The following CELF2 variants were observed in gnomAD, a reference collection of about 807,000 sequenced individuals.
CELF2 encodes CUGBP Elav-like family member 2.
CELF2 carries 8 observed loss-of-function variants against 62.6 expected under a neutral mutation model. The ratio of observed to expected loss-of-function variants is 0.13; its 90% confidence interval spans 0.07 to 0.23. The LOEUF (loss-of-function observed/expected upper bound fraction) is 0.23. Ranked by LOEUF, CELF2 falls within the 10% of genes least tolerant of loss-of-function variation. The probability of loss-of-function intolerance (pLI) is 1.00; values close to 1 mark genes in which losing one functional copy is unlikely to be tolerated. For synonymous variants in CELF2, 258 were observed against 250.0 expected (o/e 1.03, Z -0.30); for missense variants, 333 against 671.0 (o/e 0.50, Z 5.56).
intron 9 of CELF2, among the ~76,000 whole-genome samples, chr10:11,303,032 C>G (rs2093913317): frequency 6.6e-6 from 1 of 152,234 alleles, no homozygotes; most frequent in Non-Finnish European, 1.5e-5. Context: ...TCGGAGGCAT[C>G]TGCTTTCTCA....
At chr10:11,278,432 G>A (rs567599788) in intron 8 of CELF2, among the ~76,000 whole-genome samples, 7 of 152,176 alleles carry the variant, frequency 4.6e-5, no homozygotes, top group Non-Finnish European at 5.9e-5. Context: ...CTCTCTCAGC[G>A]GTGATATTTG....
chr10:11,057,479 C>T (rs1415182458), intron 1 of CELF2, among the ~76,000 whole-genome samples: 1 of 152,182 alleles, frequency 6.6e-6, no homozygotes, highest in African/African-American at 2.4e-5. Flanking sequence ...AGTTCATAGC[C>T]TGATATAAAC....
chr10:10,588,577 G>A, the CELF2 span, among the ~76,000 whole-genome samples: 4 of 152,176 alleles, frequency 2.6e-5, no homozygotes, highest in African/African-American at 9.7e-5. Context: ...GGTGGGGTGG[G>A]TCAGACTAGC....
chr10:11,248,712 A>C (rs2076316762), intron 3 of CELF2, among the ~76,000 whole-genome samples: 3 of 152,250 alleles, frequency 2.0e-5, no homozygotes, highest in African/African-American at 7.2e-5. Flanking sequence ...GAAGCACTTT[A>C]CATGCATTTT....
At chr10:10,586,257 G>T in the CELF2 span, among the ~76,000 whole-genome samples, 6 of 152,138 alleles carry the variant, frequency 3.9e-5, no homozygotes, top group African/African-American at 1.4e-4. Flanking sequence ...TCAAAATCTG[G>T]TTACCATCTA....
intron 1 of CELF2, among the ~76,000 whole-genome samples, chr10:11,009,681 C>A (rs547695802): frequency 2.0e-5 from 3 of 152,094 alleles, no homozygotes; most frequent in Non-Finnish European, 4.4e-5. Flanking sequence ...CAGGTTGACC[C>A]GCCCATGATT....
chr10:11,125,867 C>G (rs547300433), intron 1 of CELF2, among the ~76,000 whole-genome samples: 1 of 149,490 alleles, frequency 6.7e-6, no homozygotes, highest in African/African-American at 2.4e-5. Flanking sequence ...TAATACTCTG[C>G]GCTTACTCTA....
chr10:10,486,705 G>C, the CELF2 span, among the ~76,000 whole-genome samples: 1 of 152,142 alleles, frequency 6.6e-6, no homozygotes. Flanking sequence ...GAACTGTGGA[G>C]CATTTTGGAT....
the CELF2 span, among the ~76,000 whole-genome samples, chr10:10,636,195 T>C: frequency 6.6e-6 from 1 of 152,222 alleles, no homozygotes; most frequent in African/African-American, 2.4e-5. Context: ...TTTAAAGAAT[T>C]CTCTGCATGA....
At chr10:10,783,003 G>A in the CELF2 span, among the ~76,000 whole-genome samples, 1 of 152,196 alleles carries the variant, frequency 6.6e-6, no homozygotes. Context: ...TGAAGATCAT[G>A]AATATGTTTT....
the CELF2 span, among the ~76,000 whole-genome samples, chr10:10,782,665 A>G: frequency 3.3e-5 from 5 of 152,214 alleles, no homozygotes; most frequent in Non-Finnish European, 5.9e-5. Context: ...AAGTGGTAGC[A>G]CTGTGTTTTC....
chr10:10,558,734 A>G, the CELF2 span, among the ~76,000 whole-genome samples: 1,934 of 152,204 alleles, frequency 0.013, 106 homozygotes, highest in Admixed American at 0.095. Flanking sequence ...GTCTATTCAG[A>G]GATTCAACTT....
At chr10:11,124,045 C>G (rs1182229995) in intron 1 of CELF2, among the ~76,000 whole-genome samples, 1 of 152,130 alleles carries the variant, frequency 6.6e-6, no homozygotes, top group Non-Finnish European at 1.5e-5. Flanking sequence ...GGCAGGAGAG[C>G]TTGTGCAGGG....
chr10:11,244,654 G>A lies in CELF2; in HGVS notation c.355-4499G>A, dbSNP rs1459576030. Among the ~76,000 whole-genome samples the A allele has an allele frequency of 1.2e-5, 1 of 84,766 alleles. No homozygotes were observed. Among genetic ancestry groups the A allele is most frequent in the Admixed American group, 1.3e-4 (1 of 7,960 alleles). The allele number at this position is 84,766 out of a possible 152,430, so 55.6% of individuals were successfully genotyped here. A position where few individuals can be genotyped will look rare whatever the true frequency, so the allele number is the denominator to read the frequency against. Reference sequence around the variant, plus strand: ...AGCCTAGGTGACAGAGCAAGACTCCGTCTCAAAAAAAAAAAAACAGCATAA... The same window carrying A: ...AGCCTAGGTGACAGAGCAAGACTCCATCTCAAAAAAAAAAAAACAGCATAA... On this transcript the variant is annotated intron_variant, in intron 3 of 12. Transcript: ENST00000633077. This position sits in a 1 kb window ranked among gnomAD's most constrained non-coding sequence, Gnocchi z 4.2.
chr10:11,304,214 C>G (rs185562395), intron 9 of CELF2, among the ~76,000 whole-genome samples: 11 of 152,296 alleles, frequency 7.2e-5, no homozygotes, highest in Middle Eastern at 3.4e-3. Flanking sequence ...CCGGCTTCTG[C>G]AGGCCACCAG....
the CELF2 span, among the ~76,000 whole-genome samples, chr10:10,778,704 T>C: frequency 2.6e-5 from 4 of 152,166 alleles, no homozygotes; most frequent in African/African-American, 9.7e-5. Flanking sequence ...TTGATAAATA[T>C]ATGTAAAAAA....
chr10:10,527,446 C>A, the CELF2 span, among the ~76,000 whole-genome samples: 1,533 of 125,936 alleles, frequency 0.012, no homozygotes, highest in Non-Finnish European at 0.014. Flanking sequence ...AACTCTGTCT[C>A]AAAAAAAAAA....
intron 1 of CELF2, among the ~76,000 whole-genome samples, chr10:10,902,158 T>C (rs2062982362): frequency 6.6e-6 from 1 of 152,206 alleles, no homozygotes; most frequent in African/African-American, 2.4e-5. Flanking sequence ...ATCTCACCTT[T>C]GCTTTAGAAA....
the CELF2 span, among the ~76,000 whole-genome samples, chr10:10,626,752 G>T: frequency 0.019 from 2,937 of 152,258 alleles, 86 homozygotes; most frequent in African/African-American, 0.067. Flanking sequence ...CAACGTGCTT[G>T]CTTCTGTGTA....
Sources: gnomAD v4.1 joint callset for allele counts (sites outside exome capture counted in the v4.1 genomes callset) on GRCh38, gnomAD v4.1.1 for gene constraint, Gnocchi (gnomAD v3.1) non-coding constraint, MANE v1.5 for transcripts, NCBI Gene and HGNC (gene_info 2026-07-23, HGNC 2026-07-21) for gene names.